NF2: variants seen among roughly 807,000 people sequenced by gnomAD.
NF2 encodes the protein NF2, moesin-ezrin-radixin like (MERLIN) tumor suppressor, also known as merlin.
Under a neutral mutation model 83.7 loss-of-function variants are expected in NF2, and 8 were observed. That is an observed-to-expected ratio of 0.10 (90% CI 0.06 to 0.17). The LOEUF is 0.17. Among genes scored for constraint, NF2 ranks in the 10% least tolerant of loss-of-function variants. The probability of loss-of-function intolerance (pLI) is 1.00; values close to 1 mark genes in which losing one functional copy is unlikely to be tolerated. For synonymous variants in NF2, 266 were observed against 269.6 expected, an observed-to-expected ratio of 0.99 and a Z score of 0.13; for missense variants, 533 against 744.4, an observed-to-expected ratio of 0.72 and a Z score of 3.31.
At chr22:29,642,426 TGAA>T (rs764893609) in intron 4 of NF2, 141 bp downstream of exon 4, 12 of 720,208 alleles carry the variant, frequency 1.7e-5, no homozygotes, top group South Asian at 7.5e-5. Context: ...CTTGTGGACT[TGAA>T]GAACCACTGT....
intron 3 of NF2, among the ~76,000 whole-genome samples, chr22:29,639,963 G>C (rs1236486081): frequency 1.3e-5 from 2 of 150,432 alleles, no homozygotes; most frequent in African/African-American, 2.4e-5. Context: ...TTGGGAGGCT[G>C]AGGCGGGCAG....
In NF2 at chr22:29,631,401, C is replaced by T. The variant is rs146727259; in HGVS notation, c.115-5350C>T. 2.6e-3 allele frequency among the ~76,000 whole-genome samples: 396 copies of T among 152,300 alleles called. 3 individuals carry two copies. Among genetic ancestry groups the T allele is most frequent in the African/African-American group, 9.1e-3 (378 of 41,558 alleles). On this transcript the variant is annotated intron_variant, in intron 1 of 15. Transcript: ENST00000338641. ...AGGCCCGAGTTGTGTTGCCACTGTA[C>T]CCTGTTCTGTTAGCACTTACCAGGT...
chr22:29,682,932 A>C (rs2067179738), intron 15 of NF2: 2 of 1,507,500 alleles, frequency 1.3e-6, no homozygotes, highest in Non-Finnish European at 1.8e-6. Context: ...TTTCAGGCCT[A>C]TCCAAGCATT....
At chr22:29,681,274 A>G (rs1293700224) in intron 14 of NF2, among the ~76,000 whole-genome samples, 165 bp from the exon 15 acceptor site, 1 of 152,148 alleles carries the variant, frequency 6.6e-6, no homozygotes, top group Non-Finnish European at 1.5e-5. Flanking sequence ...ATAGCATTTA[A>G]GTGACCAGCC....
At chr22:29,641,072 G>A (rs1758853017) in intron 3 of NF2, among the ~76,000 whole-genome samples, 1 of 152,180 alleles carries the variant, frequency 6.6e-6, no homozygotes, top group Non-Finnish European at 1.5e-5. Context: ...GGTGGAGGTT[G>A]CAGTGAGCCG....
chr22:29,683,453 G>A (rs1366692908), intron 15 of NF2: 3 of 1,236,266 alleles, frequency 2.4e-6, no homozygotes, highest in Non-Finnish European at 3.1e-6. Context: ...TTGGAGACTG[G>A]TGTGTTTAAC....
In NF2 at chr22:29,694,649, C is replaced by G; in HGVS notation, c.1738-103C>G. ...CATCTATTTGAACAGCCTTCCCTTT[C>G]GCTCCCAGCCACCTTTGAGGTGAGT... On this transcript the variant is annotated intron_variant, in intron 15 of 15. Coordinates refer to ENST00000338641, the MANE Select transcript of NF2 (RefSeq NM_000268.4). The surrounding 1 kb of genome is among the most constrained non-coding windows in gnomAD (Gnocchi z 4.1). 8.2e-7 allele frequency: 1 copy of G among 1,215,954 alleles called. No homozygotes were observed. Among genetic ancestry groups the G allele is most frequent in the South Asian group, 1.3e-5 (1 of 77,900 alleles). The allele number at this position is 1,215,954 out of a possible 1,614,324, so 75.3% of individuals were successfully genotyped here. A position where few individuals can be genotyped will look rare whatever the true frequency, so the allele number is the denominator to read the frequency against.
intron 10 of NF2, among the ~76,000 whole-genome samples, chr22:29,671,139 C>A (rs573360747): frequency 7.0e-4 from 107 of 152,268 alleles, no homozygotes; most frequent in Admixed American, 2.2e-3. Context: ...GGAGGAGGTC[C>A]TGCATTGCAT....
At chr22:29,607,977 A>G (rs1452859312) in intron 1 of NF2, among the ~76,000 whole-genome samples, 1 of 151,760 alleles carries the variant, frequency 6.6e-6, no homozygotes, top group Non-Finnish European at 1.5e-5. Flanking sequence ...GTTCGAGACC[A>G]GCCTGACCAA....
At chr22:29,664,873 C>T (rs753700623) in intron 8 of NF2, 117 bp from the exon 9 acceptor site, 39 of 773,736 alleles carry the variant, frequency 5.0e-5, no homozygotes, top group Non-Finnish European at 8.5e-5. Context: ...GAAGCCAGGA[C>T]AAGGCATAAC....
Position 29,629,932 on chromosome 22 carries a change from C to A in NF2, c.115-6819C>A, listed in dbSNP as rs1282891102. On this transcript the variant is annotated intron_variant, in intron 1 of 15. Coordinates refer to ENST00000338641, the MANE Select transcript of NF2 (RefSeq NM_000268.4). ...TACCTAGGCATTTCATATATAGTAG[C>A]CAAATTCAGTTCACTTTCTTCAAGA... Among the ~76,000 whole-genome samples, 5 of 152,146 alleles carry A rather than the reference C, an allele frequency of 3.3e-5. No individual in the cohort carries two copies. The East Asian group carries it at 9.6e-4, about 29-fold the overall frequency.
At chr22:29,684,830 G>C (rs1362849332) in intron 15 of NF2, among the ~76,000 whole-genome samples, 1 of 152,042 alleles carries the variant, frequency 6.6e-6, no homozygotes, top group African/African-American at 2.4e-5. Context: ...TTCAGTGCAT[G>C]TTCCATTTTC....
chr22:29,685,993 A>G (rs1342491394), intron 15 of NF2, among the ~76,000 whole-genome samples: 2 of 151,340 alleles, frequency 1.3e-5, no homozygotes, highest in African/African-American at 2.4e-5. Context: ...TCTAGGGTAC[A>G]TGTGCACAAC....
intron 4 of NF2, among the ~76,000 whole-genome samples, chr22:29,645,554 A>C (rs1262248180): frequency 6.6e-6 from 1 of 152,240 alleles, no homozygotes; most frequent in Non-Finnish European, 1.5e-5. Context: ...TCACCCCGAC[A>C]GTGATGAAGC....
intron 1 of NF2, among the ~76,000 whole-genome samples, chr22:29,613,356 C>G (rs1056778768): frequency 6.6e-5 from 10 of 152,138 alleles, no homozygotes; most frequent in African/African-American, 2.4e-4. Flanking sequence ...ATGGCGAAAT[C>G]TTGTCTCTAC....
rs749452887 is a variant in NF2, at chr22:29,604,022, C to A, written c.24C>A (p.Arg8=). Residue 8 remains arginine (R), a synonymous_variant, in exon 1 of 16, where the codon CGC becomes CGA. Transcript: ENST00000338641. The part of the protein sequence containing the change: MAGAIAS[R]MSFSSLKRKQ... ...CCATGGCCGGGGCCATCGCTTCCCG[C>A]ATGAGCTTCAGCTCTCTCAAGAGGA... 2 of 1,595,842 alleles carry A rather than the reference C, an allele frequency of 1.3e-6. No homozygotes were observed. Among genetic ancestry groups the A allele is most frequent in the Admixed American group, 3.5e-5 (2 of 57,100 alleles).
intron 1 of NF2, among the ~76,000 whole-genome samples, chr22:29,624,894 CTCTT>C (rs1211936677): frequency 4.3e-5 from 6 of 140,618 alleles, no homozygotes; most frequent in African/African-American, 1.6e-4. Context: ...TTCTGTCTCT[CTCTT>C]CTTTCTCTCT....
At chr22:29,690,889 G>C (rs1273294032) in intron 15 of NF2, among the ~76,000 whole-genome samples, 1 of 152,214 alleles carries the variant, frequency 6.6e-6, no homozygotes, top group Non-Finnish European at 1.5e-5. Context: ...AAGGAACTGG[G>C]CCTGGCTGCG....
intron 13 of NF2, among the ~76,000 whole-genome samples, chr22:29,675,815 A>C (rs1024392729): frequency 4.0e-5 from 3 of 74,656 alleles, no homozygotes; most frequent in Non-Finnish European, 1.1e-4. Flanking sequence ...CACAGCACGG[A>C]CACACACGCA....
Sources: gnomAD v4.1 joint callset for allele counts (sites outside exome capture counted in the v4.1 genomes callset) on GRCh38, gnomAD v4.1.1 for gene constraint, Gnocchi (gnomAD v3.1) non-coding constraint, MANE v1.5 for transcripts, NCBI Gene and HGNC (gene_info 2026-07-23, HGNC 2026-07-21) for gene names.